DGKI: variants seen among roughly 807,000 people sequenced by gnomAD.
DGKI encodes the protein diacylglycerol kinase iota, also known as DAG kinase iota.
In DGKI, 55 loss-of-function variants were observed where a neutral mutation model predicts 147.5. The ratio of observed to expected loss-of-function variants is 0.37; its 90% confidence interval spans 0.30 to 0.47. The LOEUF (loss-of-function observed/expected upper bound fraction) is 0.47. Among genes scored for constraint, DGKI ranks in the 20% least tolerant of loss-of-function variants. The probability of loss-of-function intolerance (pLI) is 1.00; values close to 1 mark genes in which losing one functional copy is unlikely to be tolerated. For missense variants in DGKI, 1,007 were observed against 1,323.8 expected (o/e 0.76, Z 3.71); for synonymous variants, 469 against 477.1 (o/e 0.98, Z 0.22).
intron 7 of DGKI, among the ~76,000 whole-genome samples, chr7:137,621,302 G>A (rs760432499): frequency 1.3e-5 from 2 of 152,074 alleles, no homozygotes; most frequent in African/African-American, 2.4e-5. Context: ...ACCCTCAAAT[G>A]TATGACCACT....
At chr7:137,393,485 C>T (rs1478330799) in intron 32 of DGKI, among the ~76,000 whole-genome samples, 1 of 152,136 alleles carries the variant, frequency 6.6e-6, no homozygotes, top group East Asian at 1.9e-4. Context: ...GTGGCCCTGG[C>T]AAGACCAACC....
chr7:137,413,706 C>T (rs565139524), intron 28 of DGKI, among the ~76,000 whole-genome samples: 1 of 152,222 alleles, frequency 6.6e-6, no homozygotes, highest in South Asian at 2.1e-4. Flanking sequence ...TATGTTGATT[C>T]CAGGTCTTTA....
At chr7:137,838,747 A>G (rs1177884840) in intron 1 of DGKI, among the ~76,000 whole-genome samples, 1 of 152,238 alleles carries the variant, frequency 6.6e-6, no homozygotes, top group African/African-American at 2.4e-5. Flanking sequence ...TATTTGTCCA[A>G]CAAATATTTA....
intron 21 of DGKI, among the ~76,000 whole-genome samples, chr7:137,509,555 C>T (rs148730799): frequency 6.6e-6 from 1 of 152,224 alleles, no homozygotes; most frequent in East Asian, 1.9e-4. Flanking sequence ...GGACTTGTGG[C>T]CTGCTGAGCT....
At chr7:137,610,949 T>TCAGAGTCACACCAGAGTCACAC (rs1820342490) in intron 8 of DGKI, among the ~76,000 whole-genome samples, 1 of 152,192 alleles carries the variant, frequency 6.6e-6, no homozygotes, top group South Asian at 2.1e-4. Context: ...TCTCAGGATC[T>TCAGAGTCACACCAGAGTCACAC]CAGAGTCACA....
At chr7:137,525,300 G>C (rs1009438778) in intron 20 of DGKI, among the ~76,000 whole-genome samples, 1 of 152,092 alleles carries the variant, frequency 6.6e-6, no homozygotes, top group African/African-American at 2.4e-5. Context: ...ACCTACAACA[G>C]TTTCCACTTT....
intron 5 of DGKI, among the ~76,000 whole-genome samples, chr7:137,647,427 G>T (rs188341788): frequency 2.2e-4 from 33 of 152,238 alleles, no homozygotes; most frequent in Admixed American, 1.9e-3. Flanking sequence ...CTATTCCAAT[G>T]ATCTCTCTCT....
chr7:137,753,151 TAAAC>T (rs1167233462), intron 1 of DGKI, among the ~76,000 whole-genome samples: 1 of 152,040 alleles, frequency 6.6e-6, no homozygotes, highest in East Asian at 1.9e-4. Context: ...CCCTAAATAA[TAAAC>T]AAAGTTACAC....
chr7:137,743,932 G>A (rs537338213), intron 1 of DGKI, among the ~76,000 whole-genome samples: 5 of 149,388 alleles, frequency 3.3e-5, no homozygotes, highest in East Asian at 4.0e-4. Flanking sequence ...GCAGTGAGCC[G>A]AGATAGCACC....
intron 6 of DGKI, among the ~76,000 whole-genome samples, chr7:137,632,406 TC>T (rs1269055026): frequency 2.6e-4 from 39 of 152,302 alleles, no homozygotes; most frequent in Admixed American, 3.3e-4. Context: ...ACTTTTCTGG[TC>T]TTTAACTAAA....
In DGKI at chr7:137,748,869, A is replaced by G. The variant is rs748173020; in HGVS notation, c.402-58867T>C. On this transcript the variant is annotated intron_variant, in intron 1 of 32. Coordinates refer to ENST00000614521, the MANE Select transcript of DGKI (RefSeq NM_001321708.2). The stretch of plus-strand genomic sequence containing the variant: ...TTAAGGAAAAGAATTTATAACTGGG[A>G]TTATTCATCTTTTTATGATTTACAA... 5.4e-4 allele frequency among the ~76,000 whole-genome samples: 82 copies of G among 152,218 alleles called. 1 individual carries two copies. The highest frequency in any genetic ancestry group is 9.0e-4 in the Non-Finnish European group (61 of 68,038).
chr7:137,581,116 T>G (rs1258996190), intron 15 of DGKI, among the ~76,000 whole-genome samples: 1 of 152,040 alleles, frequency 6.6e-6, no homozygotes, highest in Non-Finnish European at 1.5e-5. Flanking sequence ...CCCATAAACT[T>G]TATCAGTTCT....
chr7:137,456,433 A>G (rs1410204144), intron 27 of DGKI, among the ~76,000 whole-genome samples: 4 of 152,122 alleles, frequency 2.6e-5, no homozygotes, highest in Admixed American at 6.5e-5. Flanking sequence ...CTATCAAGGG[A>G]TGTTCTATGA....
At chr7:137,832,068 C>T (rs1462653218) in intron 1 of DGKI, among the ~76,000 whole-genome samples, 1 of 152,214 alleles carries the variant, frequency 6.6e-6, no homozygotes, top group African/African-American at 2.4e-5. Flanking sequence ...TGGGCAGCTC[C>T]ACCCTTGTGG....
chr7:137,414,403 T>C (rs1812281559), intron 28 of DGKI, among the ~76,000 whole-genome samples: 1 of 152,170 alleles, frequency 6.6e-6, no homozygotes, highest in East Asian at 1.9e-4. Flanking sequence ...CATTCCCCTG[T>C]GAACCCTAGC....
chr7:137,715,194 C>A (rs1391265008), intron 1 of DGKI, among the ~76,000 whole-genome samples: 1 of 152,194 alleles, frequency 6.6e-6, no homozygotes, highest in East Asian at 1.9e-4. Context: ...CGGGTAGAAA[C>A]TAGGCTTCAA....
intron 23 of DGKI, among the ~76,000 whole-genome samples, chr7:137,481,315 C>T (rs142934695): frequency 2.0e-5 from 3 of 152,130 alleles, no homozygotes; most frequent in Non-Finnish European, 2.9e-5. Flanking sequence ...ATCATGATTT[C>T]GAGGGAGGAA....
Position 137,805,418 on chromosome 7 carries a change from G to A in DGKI, c.401+41044C>T, listed in dbSNP as rs74501389. ...AAGGCATAACAAGGTCCTGGCCAGA[G>A]AGGAGCTACCCCTGAATGGTTGAGG... On this transcript the variant is annotated intron_variant, in intron 1 of 32. Transcript: ENST00000614521. 3.2e-3 allele frequency among the ~76,000 whole-genome samples: 493 copies of A among 152,314 alleles called. 1 individual carries two copies. The highest frequency in any genetic ancestry group is 7.6e-3 in the Admixed American group (116 of 15,294).
intron 1 of DGKI, among the ~76,000 whole-genome samples, chr7:137,693,577 A>G (rs540683237): frequency 1.3e-5 from 2 of 152,220 alleles, no homozygotes; most frequent in African/African-American, 4.8e-5. Flanking sequence ...ACTTCATTCA[A>G]TAAGACTATA....
Sources: gnomAD v4.1 joint callset for allele counts (sites outside exome capture counted in the v4.1 genomes callset) on GRCh38, gnomAD v4.1.1 for gene constraint, MANE v1.5 for transcripts, NCBI Gene and HGNC (gene_info 2026-07-23, HGNC 2026-07-21) for gene names.